Variants in SLA observed in about 807,000 individuals in gnomAD.
The protein encoded by SLA is Src like adaptor, also known as src-like-adapter.
SLA carries 16 observed loss-of-function variants against 30.3 expected under a neutral mutation model. The ratio of observed to expected loss-of-function variants is 0.53; its 90% confidence interval spans 0.36 to 0.80. The LOEUF (loss-of-function observed/expected upper bound fraction) is 0.80, where lower values mean the gene tolerates loss of function less well. Among genes scored for constraint, SLA ranks in the 30% least tolerant of loss-of-function variants. The pLI, the probability that SLA is intolerant of heterozygous loss-of-function variation, is 0.01. For synonymous variants in SLA, 143 were observed against 137.8 expected (o/e 1.04, Z -0.26); for missense variants, 310 against 345.2 (o/e 0.90, Z 0.81).
intron 7 of SLA, among the ~76,000 whole-genome samples, chr8:133,042,686 T>C (rs1486527152): frequency 5.9e-5 from 7 of 118,416 alleles, no homozygotes; most frequent in African/African-American, 2.3e-4. Flanking sequence ...GTCTTTTTTT[T>C]TTTTTTTTTT....
chr8:133,091,409 T>A (rs1214887093), intron 1 of SLA, among the ~76,000 whole-genome samples: 1 of 152,108 alleles, frequency 6.6e-6, no homozygotes, highest in Non-Finnish European at 1.5e-5. Flanking sequence ...CTCTGACACA[T>A]GGATGCCCCA....
intron 2 of SLA, among the ~76,000 whole-genome samples, chr8:133,067,239 A>G (rs928868376): frequency 7.9e-5 from 12 of 152,106 alleles, no homozygotes; most frequent in African/African-American, 2.4e-4. Context: ...CGTGACCCAC[A>G]TAGTCCCCTG....
intron 2 of SLA, among the ~76,000 whole-genome samples, chr8:133,069,866 G>T (rs1015224131): frequency 6.6e-6 from 1 of 151,794 alleles, no homozygotes; most frequent in African/African-American, 2.4e-5. Context: ...GCTGGGCGTG[G>T]TGGCAGGTGC....
At chr8:133,093,411 G>A (rs974650266) in intron 1 of SLA, among the ~76,000 whole-genome samples, 1 of 152,178 alleles carries the variant, frequency 6.6e-6, no homozygotes. Flanking sequence ...AGATCACGTA[G>A]CCCAGGAGCC....
At chr8:133,053,635 G>A (rs1840834485) in intron 3 of SLA, among the ~76,000 whole-genome samples, 1 of 152,102 alleles carries the variant, frequency 6.6e-6, no homozygotes, top group African/African-American at 2.4e-5. Flanking sequence ...GGGGTTTGAG[G>A]TTTGATATCA....
chr8:133,075,053 CGAG>C lies in SLA; in HGVS notation c.-244_-242del, dbSNP rs1844653283. The C allele has an allele frequency of 1.0e-6, 1 of 985,198 alleles. No individual in the cohort carries two copies. The highest frequency in any genetic ancestry group is 1.2e-6 in the Non-Finnish European group (1 of 829,846). 61.0% of individuals were successfully genotyped at this position (985,198 alleles called of 1,614,324 possible). A position where few individuals can be genotyped will look rare whatever the true frequency, so the allele number is the denominator to read the frequency against. On this transcript the variant is annotated 5_prime_UTR_variant, in exon 2 of 9. Coordinates refer to ENST00000338087, the MANE Select transcript of SLA (RefSeq NM_001045556.3). Reference sequence around the variant, plus strand: ...GGCCGCATACTTCCTCTGCTAGGAACGAGGAAGGCACAGGGCTTGCAGAAGGGC... The same window carrying C: ...GGCCGCATACTTCCTCTGCTAGGAACGAAGGCACAGGGCTTGCAGAAGGGC...
chr8:133,053,300 A>AC (rs1340363874), intron 3 of SLA, among the ~76,000 whole-genome samples: 1 of 151,414 alleles, frequency 6.6e-6, no homozygotes, highest in African/African-American at 2.4e-5. Flanking sequence ...ATCTGTCCCC[A>AC]CCCCCGGCTG....
chr8:133,050,732 C>T, intron 4 of SLA, 84 bp downstream of exon 4: 1 of 896,220 alleles, frequency 1.1e-6, no homozygotes, highest in South Asian at 1.4e-5. Context: ...AACTAGACCA[C>T]TCTAGCTAAC....
At chr8:133,042,158 C>A (rs570728384) in intron 7 of SLA, among the ~76,000 whole-genome samples, 33 of 152,004 alleles carry the variant, frequency 2.2e-4, no homozygotes, top group Non-Finnish European at 4.0e-4. Flanking sequence ...TACTCAGGGC[C>A]GTAGAAATGT....
At chr8:133,080,556 A>G (rs897728785) in intron 1 of SLA, among the ~76,000 whole-genome samples, 19 of 152,040 alleles carry the variant, frequency 1.2e-4, no homozygotes, top group South Asian at 4.2e-4. Flanking sequence ...CCCTGCTGCT[A>G]TCCTCCTCAA....
Position 133,050,808 on chromosome 8 carries a change from T to C in SLA, c.161+8A>G, listed in dbSNP as rs183234354. On this transcript the variant is annotated splice_region_variant and intron_variant, in intron 4 of 8. Coordinates refer to ENST00000338087, the MANE Select transcript of SLA (RefSeq NM_001045556.3). The stretch of plus-strand genomic sequence containing the variant: ...GAAGATTGCACAAGTTTTGGAGAGC[T>C]GACTCACTCAGAAATCACACGCAGT... 22 of 1,569,168 alleles carry C rather than the reference T, an allele frequency of 1.4e-5. No individual in the cohort carries two copies. The Admixed American group carries it at 2.7e-4, about 19-fold the overall frequency.
At chr8:133,087,071 T>TACACACACACAC (rs56028043) in intron 1 of SLA, among the ~76,000 whole-genome samples, 28 of 143,046 alleles carry the variant, frequency 2.0e-4, no homozygotes, top group African/African-American at 7.4e-4. Flanking sequence ...AATATATGTT[T>TACACACACACAC]ACACACACAC....
chr8:133,039,953 GCACACACACA>G, intron 8 of SLA, 35 bp downstream of exon 8: 7 of 1,433,552 alleles, frequency 4.9e-6, no homozygotes, highest in Non-Finnish European at 5.6e-6. Context: ...GCACTTGCAT[GCACACACACA>G]CACACACACA....
intron 7 of SLA, chr8:133,040,416 A>G (rs1837999244): frequency 2.7e-6 from 1 of 369,060 alleles, no homozygotes; most frequent in East Asian, 4.6e-5. Context: ...TTTTAGCTTT[A>G]CCCCGATAGT....
intron 2 of SLA, among the ~76,000 whole-genome samples, chr8:133,065,374 G>A (rs1842901244): frequency 6.6e-6 from 1 of 152,258 alleles, no homozygotes; most frequent in East Asian, 1.9e-4. Context: ...TAAAACCTGT[G>A]CTCTAACTCG....
chr8:133,081,022 T>C (rs1845663902), intron 1 of SLA, among the ~76,000 whole-genome samples: 1 of 152,172 alleles, frequency 6.6e-6, no homozygotes, highest in Non-Finnish European at 1.5e-5. Context: ...TACTTAGGAG[T>C]TGTGTGATCT....
intron 2 of SLA, among the ~76,000 whole-genome samples, chr8:133,062,965 C>G (rs1842594812): frequency 6.6e-6 from 1 of 152,238 alleles, no homozygotes; most frequent in African/African-American, 2.4e-5. Flanking sequence ...CTGCCTCTGT[C>G]CTGCTCCTTG....
At chr8:133,084,127 G>A (rs1327949856) in intron 1 of SLA, among the ~76,000 whole-genome samples, 1 of 152,120 alleles carries the variant, frequency 6.6e-6, no homozygotes, top group Non-Finnish European at 1.5e-5. Context: ...TCAAGAGCTG[G>A]CCCATGGCAT....
At chr8:133,054,987 C>T (rs868724035) in intron 3 of SLA, among the ~76,000 whole-genome samples, 11 of 152,160 alleles carry the variant, frequency 7.2e-5, no homozygotes, top group African/African-American at 2.4e-4. Flanking sequence ...CTGCCCAGCC[C>T]TACAGAAAAT....
Sources: gnomAD v4.1 joint callset for allele counts (sites outside exome capture counted in the v4.1 genomes callset) on GRCh38, gnomAD v4.1.1 for gene constraint, MANE v1.5 for transcripts, NCBI Gene and HGNC (gene_info 2026-07-23, HGNC 2026-07-21) for gene names.